The following HSD17B13 variants were observed in gnomAD, a reference collection of about 807,000 sequenced individuals.
The protein encoded by HSD17B13 is hydroxysteroid 17-beta dehydrogenase 13, also known as 17-beta-hydroxysteroid dehydrogenase 13.
In HSD17B13, 26 loss-of-function variants were observed where a neutral mutation model predicts 31.1. The observed-to-expected ratio is 0.84, with a 90% CI of 0.61 to 1.16. The LOEUF is 1.16. Ranked by LOEUF, HSD17B13 falls within the 50% of genes most tolerant of loss-of-function variation. The pLI, the probability that HSD17B13 is intolerant of heterozygous loss-of-function variation, is 0.00. For missense variants in HSD17B13, 374 were observed against 366.5 expected (o/e 1.02, Z -0.17); for synonymous variants, 141 against 133.7 (o/e 1.05, Z -0.38).
intron 5 of HSD17B13, among the ~76,000 whole-genome samples, chr4:87,313,616 C>T (rs1005750981): frequency 5.3e-5 from 8 of 152,074 alleles, no homozygotes; most frequent in Non-Finnish European, 1.0e-4. Flanking sequence ...AATAAATATC[C>T]CAGTTCATCG....
At position 87,315,612 on chromosome 4, in the gene HSD17B13, T is replaced by C; in HGVS notation, c.451-13A>G. ...GTGCTTTTGTGATCTTAAGGATCAT[T>C]GCAGAAAGAAGAAAGACAATGACAT... On this transcript the variant is annotated splice_polypyrimidine_tract_variant and intron_variant, in intron 3 of 6. Coordinates refer to ENST00000328546, the MANE Select transcript of HSD17B13 (RefSeq NM_178135.5). 1 of 1,522,946 alleles carries C rather than the reference T, an allele frequency of 6.6e-7. No homozygotes were observed. Among genetic ancestry groups the C allele is most frequent in the Non-Finnish European group, 9.0e-7 (1 of 1,105,774 alleles). 94.3% of individuals were successfully genotyped at this position (1,522,946 alleles called of 1,614,324 possible). A position where few individuals can be genotyped will look rare whatever the true frequency, so the allele number is the denominator to read the frequency against.
chr4:87,314,061 G>A (rs896262616), intron 4 of HSD17B13, 101 bp from the exon 5 acceptor site: 14 of 889,228 alleles, frequency 1.6e-5, no homozygotes, highest in Non-Finnish European at 2.2e-5. Context: ...ACAAGTGGAA[G>A]CCAAAAATCA....
Position 87,305,096 on chromosome 4 carries a change from G to T in HSD17B13, c.*122C>A, listed in dbSNP as rs1259171597. On this transcript the variant is annotated 3_prime_UTR_variant, in exon 7 of 7. Transcript: ENST00000328546. The stretch of plus-strand genomic sequence containing the variant: ...AATCTTGTTCGTTTGACTGCTGCTA[G>T]TGCCAAACCAATGTTTTTAATATTA... 1.4e-5 allele frequency: 7 copies of T among 503,700 alleles called. No individual in the cohort carries two copies. The highest frequency in any genetic ancestry group is 2.0e-5 in the African/African-American group (1 of 50,182). 31.2% of individuals were successfully genotyped at this position (503,700 alleles called of 1,614,324 possible).
At chr4:87,322,510 C>A (rs1578445115) in intron 1 of HSD17B13, 122 bp downstream of exon 1, 4 of 724,468 alleles carry the variant, frequency 5.5e-6, no homozygotes, top group Middle Eastern at 7.6e-4. Flanking sequence ...GACTAAGGGA[C>A]CAGGGAATTT....
Position 87,319,148 on chromosome 4 carries a change from CT to C in HSD17B13, c.211-713del, listed in dbSNP as rs1344125094. The stretch of plus-strand genomic sequence containing the variant: ...AGTGAGCTGAAATCATTCCATTGCA[CT>C]CCAACCTGGGTGACAGAGTGGGACT... On this transcript the variant is annotated intron_variant, in intron 1 of 6. Transcript: ENST00000328546. Among the ~76,000 whole-genome samples, 19 of 152,240 alleles carry C rather than the reference CT, an allele frequency of 1.2e-4. No homozygotes were observed. In the East Asian group the frequency reaches 3.5e-3, roughly 28 times the overall value.
chr4:87,313,767 G>T, intron 5 of HSD17B13, 56 bp downstream of exon 5: 9 of 1,461,066 alleles, frequency 6.2e-6, no homozygotes, highest in South Asian at 2.6e-5. Context: ...TTTCTCATTA[G>T]TTTTCATATC....
chr4:87,312,218 C>A (rs1331475013), intron 5 of HSD17B13, among the ~76,000 whole-genome samples: 2 of 152,120 alleles, frequency 1.3e-5, no homozygotes, highest in Admixed American at 1.3e-4. Flanking sequence ...TCAGGAGTTG[C>A]AATAGTACTA....
chr4:87,315,073 T>C (rs994852275), intron 4 of HSD17B13, among the ~76,000 whole-genome samples: 4 of 152,206 alleles, frequency 2.6e-5, no homozygotes, highest in Non-Finnish European at 5.9e-5. Context: ...CGATTCATGC[T>C]GACTTCCTAG....
At chr4:87,314,852 T>C (rs1734615885) in intron 4 of HSD17B13, among the ~76,000 whole-genome samples, 1 of 152,250 alleles carries the variant, frequency 6.6e-6, no homozygotes, top group African/African-American at 2.4e-5. Context: ...TTGGCATTAC[T>C]GTTTTCTCTC....
chr4:87,306,501 T>C (rs1327604442), intron 6 of HSD17B13, among the ~76,000 whole-genome samples: 2 of 152,230 alleles, frequency 1.3e-5, no homozygotes, highest in Non-Finnish European at 2.9e-5. Context: ...ATCAGCCATC[T>C]AGAATTAAGG....
intron 6 of HSD17B13, among the ~76,000 whole-genome samples, chr4:87,306,399 G>T (rs1734388680): frequency 1.3e-5 from 2 of 152,182 alleles, no homozygotes; most frequent in East Asian, 3.9e-4. Flanking sequence ...TCTATAATAA[G>T]GTAAACTAAA....
chr4:87,313,750 C>A, intron 5 of HSD17B13, 73 bp downstream of exon 5: 1 of 1,282,814 alleles, frequency 7.8e-7, no homozygotes, highest in East Asian at 2.6e-5. Context: ...GTTGGCCTGC[C>A]TAAACATTTC....
chr4:87,313,250 A>G (rs1734575319), intron 5 of HSD17B13, among the ~76,000 whole-genome samples: 1 of 152,132 alleles, frequency 6.6e-6, no homozygotes, highest in African/African-American at 2.4e-5. Flanking sequence ...GTTCTTTTGA[A>G]TGAATATATT....
chr4:87,315,286 G>A (rs1734626076), intron 4 of HSD17B13, among the ~76,000 whole-genome samples: 1 of 152,086 alleles, frequency 6.6e-6, no homozygotes, highest in Non-Finnish European at 1.5e-5. Context: ...CCTGTGCTTG[G>A]GCCCACTCCC....
chr4:87,316,988 A>G, intron 3 of HSD17B13, 104 bp downstream of exon 3: 2 of 1,132,506 alleles, frequency 1.8e-6, no homozygotes, highest in Non-Finnish European at 2.6e-6. Context: ...ATTAAGGCAA[A>G]GATCTGGCCA....
At chr4:87,308,292 C>G (rs1423201628) in intron 6 of HSD17B13, among the ~76,000 whole-genome samples, 1 of 151,598 alleles carries the variant, frequency 6.6e-6, no homozygotes, top group Non-Finnish European at 1.5e-5. Context: ...GGCAGGAGGA[C>G]TGCTTGAGGC....
chr4:87,314,037 C>A, intron 4 of HSD17B13, 77 bp from the exon 5 acceptor site: 2 of 1,248,068 alleles, frequency 1.6e-6, no homozygotes, highest in Non-Finnish European at 2.1e-6. Flanking sequence ...AAGGCGGTAT[C>A]ATTTGGCTTA....
chr4:87,313,346 G>A (rs1734577197), intron 5 of HSD17B13, among the ~76,000 whole-genome samples: 1 of 152,100 alleles, frequency 6.6e-6, no homozygotes, highest in Non-Finnish European at 1.5e-5. Context: ...ATATATACTA[G>A]GATTAGAAAA....
chr4:87,306,150 T>C (rs1253155443), intron 6 of HSD17B13, among the ~76,000 whole-genome samples: 2 of 152,192 alleles, frequency 1.3e-5, no homozygotes, highest in Non-Finnish European at 2.9e-5. Context: ...AACCTATGTG[T>C]GCACCTTTGT....
Sources: gnomAD v4.1 joint callset for allele counts (sites outside exome capture counted in the v4.1 genomes callset) on GRCh38, gnomAD v4.1.1 for gene constraint, MANE v1.5 for transcripts, NCBI Gene and HGNC (gene_info 2026-07-23, HGNC 2026-07-21) for gene names.